The following SNTG1 variants were observed in gnomAD, a reference collection of about 807,000 sequenced individuals.
The protein encoded by SNTG1 is syntrophin gamma 1.
Under a neutral mutation model 74.7 loss-of-function variants are expected in SNTG1, and 39 were observed. That is an observed-to-expected ratio of 0.52 (90% confidence interval 0.40 to 0.68). The LOEUF (loss-of-function observed/expected upper bound fraction) is 0.68. SNTG1 is among the 30% of genes least tolerant of loss of function. SNTG1 has a pLI of 0.00. For missense variants in SNTG1, 685 were observed against 609.5 expected, an observed-to-expected ratio of 1.12 and a Z score of -1.30; for synonymous variants, 254 against 217.1, an observed-to-expected ratio of 1.17 and a Z score of -1.49.
intron 17 of SNTG1, among the ~76,000 whole-genome samples, chr8:50,742,032 A>G (rs1202885257): frequency 1.3e-5 from 2 of 152,138 alleles, no homozygotes; most frequent in East Asian, 3.9e-4. Context: ...GGATAATAAT[A>G]TCAATGTAGG....
intron 8 of SNTG1, among the ~76,000 whole-genome samples, chr8:50,480,159 A>C (rs2093728201): frequency 2.0e-5 from 3 of 152,044 alleles, no homozygotes; most frequent in Non-Finnish European, 4.4e-5. Flanking sequence ...TTGCTGTAAC[A>C]ATCTTTAGTA....
At chr8:50,131,405 A>G (rs1365652040) in intron 1 of SNTG1, among the ~76,000 whole-genome samples, 1 of 152,210 alleles carries the variant, frequency 6.6e-6, no homozygotes, top group African/African-American at 2.4e-5. Flanking sequence ...TTCCACACAT[A>G]TGTGAAATCA....
intron 9 of SNTG1, among the ~76,000 whole-genome samples, chr8:50,518,730 A>G (rs2130113084): frequency 6.6e-6 from 1 of 152,314 alleles, no homozygotes; most frequent in African/African-American, 2.4e-5. Context: ...TCCTGAACAC[A>G]TACACCCTCC....
At chr8:49,994,075 T>C (rs1442978202) in intron 1 of SNTG1, among the ~76,000 whole-genome samples, 1 of 152,102 alleles carries the variant, frequency 6.6e-6, no homozygotes, top group East Asian at 1.9e-4. Flanking sequence ...CTTTTCAGTG[T>C]TTTTAAATTG....
intron 11 of SNTG1, among the ~76,000 whole-genome samples, chr8:50,549,014 A>G (rs1242450886): frequency 1.3e-5 from 2 of 152,174 alleles, no homozygotes; most frequent in Admixed American, 6.6e-5. Flanking sequence ...TTGAAGGAGC[A>G]TAGATGGGCA....
At chr8:50,175,826 T>C (rs538541077) in intron 2 of SNTG1, among the ~76,000 whole-genome samples, 6 of 152,306 alleles carry the variant, frequency 3.9e-5, no homozygotes, top group Admixed American at 2.6e-4. Context: ...TATGGCTGGA[T>C]GCATTTCAAG....
intron 13 of SNTG1, among the ~76,000 whole-genome samples, chr8:50,623,934 A>G (rs910484800): frequency 7.2e-5 from 11 of 151,846 alleles, no homozygotes; most frequent in Non-Finnish European, 1.6e-4. Context: ...GATTTTTCCC[A>G]TATTCTTTTG....
rs79094679 is a variant in SNTG1, at chr8:50,083,159, C to A, written c.-102-89402C>A. On this transcript the variant is annotated intron_variant, in intron 1 of 18. Transcript: ENST00000642720. ...CTGTTAGGCAAGATTTTTAACTATTCTTAGCTGAAATTCAGTAGTCTCAAT... is the reference window on the plus strand; with the variant it reads ...CTGTTAGGCAAGATTTTTAACTATTATTAGCTGAAATTCAGTAGTCTCAAT... Among the ~76,000 whole-genome samples the A allele has an allele frequency of 3.9e-3, 590 of 152,218 alleles. 12 individuals are homozygous for A. In the East Asian group the frequency reaches 0.064, roughly 17 times the overall value.
chr8:50,486,218 G>C (rs2093792790), intron 8 of SNTG1, among the ~76,000 whole-genome samples: 1 of 148,850 alleles, frequency 6.7e-6, no homozygotes, highest in African/African-American at 2.5e-5. Flanking sequence ...GGATGGCATT[G>C]AATCTGTAAA....
intron 2 of SNTG1, among the ~76,000 whole-genome samples, chr8:50,315,902 A>G (rs576042417): frequency 3.6e-4 from 55 of 152,292 alleles, no homozygotes; most frequent in Non-Finnish European, 6.6e-4. Flanking sequence ...TTGAATAAAT[A>G]CTACCTGGAA....
chr8:50,131,810 G>T lies in SNTG1; in HGVS notation c.-102-40751G>T, dbSNP rs139998289. 7.2e-5 allele frequency among the ~76,000 whole-genome samples: 11 copies of T among 152,070 alleles called. No homozygotes were observed. In the East Asian group the frequency reaches 2.1e-3, roughly 29 times the overall value. On this transcript the variant is annotated intron_variant, in intron 1 of 18. Transcript: ENST00000642720. The stretch of plus-strand genomic sequence containing the variant: ...ACCAATTTACGTTTCCCACCAACAA[G>T]GATGTCCCTCTCTTCACATCCTTCC...
chr8:49,988,858 A>G (rs1813417561), intron 1 of SNTG1, among the ~76,000 whole-genome samples: 1 of 151,980 alleles, frequency 6.6e-6, no homozygotes, highest in African/African-American at 2.4e-5. Flanking sequence ...TTAAAAAATG[A>G]AAAAGCAGCA....
At chr8:50,719,072 G>A (rs2095481505) in intron 17 of SNTG1, among the ~76,000 whole-genome samples, 1 of 152,144 alleles carries the variant, frequency 6.6e-6, no homozygotes, top group South Asian at 2.1e-4. Context: ...TATTCCTACA[G>A]AAAATTGATA....
chr8:50,411,674 A>G (rs2092951186), intron 4 of SNTG1, among the ~76,000 whole-genome samples: 1 of 152,102 alleles, frequency 6.6e-6, no homozygotes, highest in South Asian at 2.1e-4. Context: ...CAGTGCTGGA[A>G]ACCCCTTCTC....
chr8:50,623,996 A>G (rs927978435), intron 13 of SNTG1, among the ~76,000 whole-genome samples: 3 of 151,900 alleles, frequency 2.0e-5, no homozygotes, highest in Middle Eastern at 3.2e-3. Context: ...ATCCTCTATT[A>G]ATGTAAATTC....
chr8:50,355,130 C>A (rs2091781822), intron 2 of SNTG1, among the ~76,000 whole-genome samples: 1 of 152,112 alleles, frequency 6.6e-6, no homozygotes, highest in Non-Finnish European at 1.5e-5. Flanking sequence ...ACACTATTTC[C>A]TTAAAACATT....
intron 15 of SNTG1, among the ~76,000 whole-genome samples, chr8:50,683,391 C>T (rs2095338972): frequency 1.3e-5 from 2 of 152,072 alleles, no homozygotes; most frequent in South Asian, 4.1e-4. Flanking sequence ...TTCTTTAGTC[C>T]TGAGTCATTC....
rs990548149 is a variant in SNTG1 at position 50,432,823 on chromosome 8, A to G, written c.163-5720A>G. ...ATTCATTTTTTTGAGACTCTGTCTC[A>G]CTCTATTGCCCAGGCTGGAGTGCAG... On this transcript the variant is annotated intron_variant, in intron 4 of 18. Transcript: ENST00000642720. 6.0e-5 allele frequency among the ~76,000 whole-genome samples: 9 copies of G among 150,594 alleles called. No homozygotes were observed. The East Asian group carries it at 1.7e-3, about 29-fold the overall frequency.
chr8:50,506,277 T>C (rs1040232910), intron 9 of SNTG1, among the ~76,000 whole-genome samples: 10 of 152,076 alleles, frequency 6.6e-5, no homozygotes, highest in Admixed American at 5.9e-4. Flanking sequence ...GTTCAGAAAG[T>C]GTAAAGCCCC....
Sources: allele counts gnomAD v4.1 joint callset (sites outside exome capture counted in the v4.1 genomes callset), GRCh38; gene constraint gnomAD v4.1.1; transcripts MANE v1.5; gene names NCBI Gene and HGNC (gene_info 2026-07-23, HGNC 2026-07-21).